The following SPRY3 variants were observed in gnomAD, a reference collection of about 807,000 sequenced individuals.
SPRY3 encodes protein sprouty homolog 3.
In SPRY3, 15 loss-of-function variants were observed where a neutral mutation model predicts 20.2. The ratio of observed to expected loss-of-function variants is 0.74; its 90% CI spans 0.50 to 1.14. SPRY3 has a LOEUF of 1.14. Ranked by LOEUF, SPRY3 falls within the 50% of genes most tolerant of loss-of-function variation. The pLI, the probability that SPRY3 is intolerant of heterozygous loss-of-function variation, is 0.00. For missense variants in SPRY3, 364 were observed against 363.9 expected, an observed-to-expected ratio of 1.00 and a Z score of 0.00; for synonymous variants, 143 against 136.5, an observed-to-expected ratio of 1.05 and a Z score of -0.33.
exon 2 of SPRY3, chrX:155,781,922 G>A (rs1296277852): frequency 1.2e-5 from 2 of 166,946 alleles, no homozygotes; most frequent in Non-Finnish European, 2.9e-5. Flanking sequence ...AGCAGTTGAG[G>A]AAAAAGGTCA....
At chrX:155,737,893 A>T in intron 2 of SPRY3, among the ~76,000 whole-genome samples, 1 of 152,316 alleles carries the variant, frequency 6.6e-6, no homozygotes, top group East Asian at 1.9e-4. Flanking sequence ...ATGAATTGGA[A>T]TGTGGGAATA....
At chrX:155,749,125 C>G (rs1268981401) in intron 2 of SPRY3, among the ~76,000 whole-genome samples, 1 of 151,812 alleles carries the variant, frequency 6.6e-6, no homozygotes, top group Non-Finnish European at 1.5e-5. Flanking sequence ...TAAAAATAAG[C>G]TTTTACAAAA....
At chrX:155,776,747 CG>C (rs111294847) in exon 4 of SPRY3, 3,485 of 166,974 alleles carry the variant, frequency 0.021, 93 homozygotes, top group East Asian at 0.11. Context: ...TAGTAGTACA[CG>C]GGGGGAAGAG....
At chrX:155,752,615 A>G (rs1239659252) in intron 2 of SPRY3, among the ~76,000 whole-genome samples, 1 of 151,820 alleles carries the variant, frequency 6.6e-6, no homozygotes, top group African/African-American at 2.4e-5. Context: ...ACAAGAAAAT[A>G]CAGTTCTCAA....
At chrX:155,772,747 G>T (rs936363848) in intron 3 of SPRY3, among the ~76,000 whole-genome samples, 1 of 151,944 alleles carries the variant, frequency 6.6e-6, no homozygotes, top group Non-Finnish European at 1.5e-5. Context: ...GTAGTACAAT[G>T]GAAATGCAAG....
chrX:155,756,397 G>A (rs192337572), intron 2 of SPRY3, among the ~76,000 whole-genome samples: 1 of 152,218 alleles, frequency 6.6e-6, no homozygotes, highest in Non-Finnish European at 1.5e-5. Context: ...CATGTGGCCA[G>A]GTGCTTAATG....
chrX:155,711,660 G>A (rs1212835885), intron 2 of SPRY3, among the ~76,000 whole-genome samples: 4 of 148,060 alleles, frequency 2.7e-5, no homozygotes, highest in Non-Finnish European at 6.0e-5. Context: ...ATTTATTTCT[G>A]TTCTGATCTT....
At chrX:155,616,727 A>G in intron 1 of SPRY3, among the ~76,000 whole-genome samples, 1 of 110,885 alleles carries the variant, frequency 9.0e-6, no homozygotes. Flanking sequence ...AGACCAATCA[A>G]CTGTAGCTAG....
intron 2 of SPRY3, chrX:155,767,672 G>GGGAGGA (rs1398630701): frequency 1.7e-5 from 2 of 117,342 alleles, no homozygotes; most frequent in Admixed American, 1.8e-4. Context: ...GAGGAGAAGG[G>GGGAGGA]GGAGGAGAAA....
chrX:155,647,033 G>T (rs1021163787), intron 1 of SPRY3, among the ~76,000 whole-genome samples: 4 of 111,676 alleles, frequency 3.6e-5, no homozygotes, highest in Non-Finnish European at 3.8e-5. Flanking sequence ...TGCTTTTTCT[G>T]CCTCTGTTGA....
intron 2 of SPRY3, among the ~76,000 whole-genome samples, chrX:155,767,638 G>A (rs1232802435): frequency 6.7e-6 from 1 of 148,950 alleles, no homozygotes; most frequent in Non-Finnish European, 1.5e-5. Context: ...ACTGGAGGGG[G>A]AGGGGGAAGA....
intron 2 of SPRY3, among the ~76,000 whole-genome samples, chrX:155,734,528 A>G (rs919809528): frequency 1.3e-5 from 2 of 152,074 alleles, no homozygotes; most frequent in South Asian, 4.2e-4. Context: ...ATATAATAGT[A>G]ATGAAAAAGT....
intron 2 of SPRY3, among the ~76,000 whole-genome samples, chrX:155,697,246 G>T (rs1284706434): frequency 9.0e-6 from 1 of 110,928 alleles, no homozygotes; most frequent in African/African-American, 3.3e-5. Context: ...TTCAGGACCT[G>T]AATAGAACAA....
chrX:155,719,329 C>A (rs964236237), intron 2 of SPRY3, among the ~76,000 whole-genome samples: 3 of 152,110 alleles, frequency 2.0e-5, no homozygotes, highest in Admixed American at 6.6e-5. Context: ...GTTGTGCAAG[C>A]CTTGCTACAG....
At chrX:155,730,174 C>T (rs980068414) in intron 2 of SPRY3, among the ~76,000 whole-genome samples, 4 of 152,112 alleles carry the variant, frequency 2.6e-5, no homozygotes, top group Non-Finnish European at 5.9e-5. Context: ...GGGAATAATT[C>T]CAGACTCATT....
intron 2 of SPRY3, among the ~76,000 whole-genome samples, chrX:155,667,386 G>C (rs1196710489): frequency 1.8e-5 from 2 of 111,032 alleles, no homozygotes; most frequent in African/African-American, 6.5e-5. Context: ...GGTAATGTCT[G>C]GGACTCCAAA....
intron 2 of SPRY3, among the ~76,000 whole-genome samples, chrX:155,660,717 C>T (rs1277468760): frequency 9.2e-6 from 1 of 108,918 alleles, no homozygotes; most frequent in African/African-American, 3.3e-5. Context: ...GTGTGCATAT[C>T]TATCTAGGAT....
At chrX:155,704,912 A>T (rs2090939409) in intron 2 of SPRY3, among the ~76,000 whole-genome samples, 1 of 151,626 alleles carries the variant, frequency 6.6e-6, no homozygotes, top group African/African-American at 2.4e-5. Context: ...TATATCCAGA[A>T]AAAAATCTTT....
At chrX:155,778,449 T>C (rs775591660), downstream of SPRY3, 3 of 167,182 alleles carry the variant, frequency 1.8e-5, no homozygotes, top group Admixed American at 1.3e-4. Context: ...TGTAGAGCTA[T>C]TAAGGGAGTA....
Sources: allele counts gnomAD v4.1 joint callset (sites outside exome capture counted in the v4.1 genomes callset), GRCh38; gene constraint gnomAD v4.1.1; transcripts MANE v1.5; gene names NCBI Gene and HGNC (gene_info 2026-07-23, HGNC 2026-07-21).